Variants in AHCTF1 observed in about 807,000 individuals in gnomAD.
AHCTF1 encodes protein ELYS.
In AHCTF1, 24 loss-of-function variants were observed where a neutral mutation model predicts 248.4. The ratio of observed to expected loss-of-function variants is 0.10; its 90% confidence interval spans 0.07 to 0.14. The LOEUF is 0.14. AHCTF1 is among the 10% of genes least tolerant of loss of function. The pLI is 1.00. For missense variants in AHCTF1, 2,206 were observed against 2,636.2 expected (o/e 0.84, Z 3.57); for synonymous variants, 786 against 929.8 (o/e 0.85, Z 2.81).
chr1:246,846,967 G>C (rs138440333), intron 33 of AHCTF1, among the ~76,000 whole-genome samples: 2 of 152,212 alleles, frequency 1.3e-5, no homozygotes, highest in East Asian at 3.9e-4. Context: ...AGTTGCCCAG[G>C]CTGGTTGGAT....
intron 1 of AHCTF1, chr1:246,931,093 C>T: frequency 6.5e-7 from 1 of 1,546,818 alleles, no homozygotes; most frequent in Non-Finnish European, 8.7e-7. Context: ...ACGGCTGAGC[C>T]CCGAGTCCAA....
chr1:246,931,121 C>CTACT, intron 1 of AHCTF1: 1 of 1,549,370 alleles, frequency 6.5e-7, no homozygotes. Flanking sequence ...CCCGCCAGGA[C>CTACT]TACTCACTGT....
rs1024550542 is a variant in AHCTF1 at position 246,913,738 on chromosome 1, T to A, written c.376-326A>T. ...TAGACTATGTGTGAGTACTTCTCTTTAAAGATGAAATAACCTGAGGCTTAG... is the reference window on the plus strand; with the variant it reads ...TAGACTATGTGTGAGTACTTCTCTTAAAAGATGAAATAACCTGAGGCTTAG... On this transcript the variant is annotated intron_variant, in intron 3 of 35. Transcript: ENST00000648844. Among the ~76,000 whole-genome samples the A allele has an allele frequency of 5.9e-5, 9 of 152,166 alleles. 1 individual carries two copies. The highest frequency in any genetic ancestry group is 7.4e-5 in the Non-Finnish European group (5 of 68,014).
chr1:246,903,052 T>C (rs1665117239), intron 7 of AHCTF1, among the ~76,000 whole-genome samples: 1 of 152,256 alleles, frequency 6.6e-6, no homozygotes, highest in South Asian at 2.1e-4. Context: ...TTTTAGCTTA[T>C]TGATACCTTT....
intron 16 of AHCTF1, 60 bp from the exon 17 acceptor site, chr1:246,890,119 A>C: frequency 6.9e-6 from 8 of 1,166,868 alleles, no homozygotes; most frequent in Non-Finnish European, 2.5e-6. Flanking sequence ...TCAACAATAC[A>C]TATTAATATT....
chr1:246,907,585 G>C lies in AHCTF1; in HGVS notation c.730C>G (p.Leu244Val), dbSNP rs778443140. 51 of 1,613,694 alleles carry C rather than the reference G, an allele frequency of 3.2e-5. 1 individual carries two copies. The highest frequency in any genetic ancestry group is 1.6e-4 in the Middle Eastern group (1 of 6,068). ...ATGCTTTTCATGTTCCAAAGTGCTA[G>C]ATAGCCATCAGAAAAACCTACAGCA... ...QLAVGFSDGY[L>V]ALWNMKSMKR... The change falls in exon 5 of 36, where the codon CTA (leucine) becomes GTA (valine). Residue 244 changes from leucine (L) to valine (V), a missense_variant. Physicochemically the swap from Leu to Val is conservative, Grantham distance 32. This residue lies in a region of AHCTF1 where 650 missense variants were observed against 870.8 expected (regional missense o/e 0.75). Transcript: ENST00000648844.
chr1:246,892,886 T>C (rs1406902249), intron 14 of AHCTF1, among the ~76,000 whole-genome samples: 1 of 152,048 alleles, frequency 6.6e-6, no homozygotes, highest in Non-Finnish European at 1.5e-5. Flanking sequence ...CCTCAAGCAA[T>C]CCTCTCATCT....
intron 5 of AHCTF1, 125 bp downstream of exon 5, chr1:246,907,426 T>C (rs1323875820): frequency 3.7e-6 from 3 of 805,892 alleles, no homozygotes; most frequent in South Asian, 1.9e-5. Context: ...ATCTCAATCA[T>C]TCATTCAATC....
At chr1:246,851,576 T>C (rs1309945306) in intron 32 of AHCTF1, 134 bp from the exon 33 acceptor site, 7 of 714,304 alleles carry the variant, frequency 9.8e-6, no homozygotes, top group Non-Finnish European at 1.5e-5. Flanking sequence ...CATATACTTA[T>C]GGGTTTACTT....
intron 13 of AHCTF1, among the ~76,000 whole-genome samples, chr1:246,895,568 G>A (rs1572429762): frequency 6.6e-6 from 1 of 152,240 alleles, no homozygotes; most frequent in East Asian, 1.9e-4. Context: ...TTCTTGCCAG[G>A]GGTTAAGGAT....
rs145708659 is a variant in AHCTF1 at position 246,852,194 on chromosome 1, T to C, written c.4564-752A>G. ...GACAGATTGGAAATAACCTAGAAATTAGGATTCCCACTTACACCATACCCA... is the reference window on the plus strand; with the variant it reads ...GACAGATTGGAAATAACCTAGAAATCAGGATTCCCACTTACACCATACCCA... On this transcript the variant is annotated intron_variant, in intron 32 of 35. Coordinates refer to ENST00000648844, the MANE Select transcript of AHCTF1 (RefSeq NM_001323342.2). 3.3e-3 allele frequency among the ~76,000 whole-genome samples: 496 copies of C among 152,132 alleles called. 2 individuals carry two copies. The highest frequency in any genetic ancestry group is 0.011 in the African/African-American group (452 of 41,516).
chr1:246,851,512 T>G, intron 32 of AHCTF1, 70 bp from the exon 33 acceptor site: 1 of 1,375,028 alleles, frequency 7.3e-7, no homozygotes, highest in East Asian at 2.4e-5. Flanking sequence ...GCACACAGGT[T>G]TTTGATGACC....
At chr1:246,878,077 A>AAAAATTGCAAAAGATAGC (rs1206845236) in intron 21 of AHCTF1, among the ~76,000 whole-genome samples, 2 of 152,048 alleles carry the variant, frequency 1.3e-5, no homozygotes, top group Non-Finnish European at 2.9e-5. Context: ...AAACACCAGC[A>AAAAATTGCAAAAGATAGC]AAAATTGCAA....
At chr1:246,860,467 T>C (rs1207452360) in intron 29 of AHCTF1, among the ~76,000 whole-genome samples, 9 of 152,126 alleles carry the variant, frequency 5.9e-5, no homozygotes, top group African/African-American at 4.8e-5. Context: ...CATGAAACAA[T>C]GTAAGCCACA....
chr1:246,913,240 T>A lies in AHCTF1; in HGVS notation c.548A>T (p.Glu183Val). ...AGTAAAGAACTGATTACCTGATGCTTCAACTTCATTTTGATTGCATGACAA... is the reference window on the plus strand; with the variant it reads ...AGTAAAGAACTGATTACCTGATGCTACAACTTCATTTTGATTGCATGACAA... ...DDLSCNQNEV[E>V]ASDLEVLTGI... The change falls in exon 4 of 36, where the codon GAA becomes GTA. Residue 183 changes from glutamate to valine, a missense_variant. Coordinates refer to ENST00000648844, the MANE Select transcript of AHCTF1 (RefSeq NM_001323342.2). 3 of 1,600,200 alleles carry A rather than the reference T, an allele frequency of 1.9e-6. No homozygotes were observed. Among genetic ancestry groups the A allele is most frequent in the East Asian group, 2.2e-5 (1 of 44,552 alleles).
intron 1 of AHCTF1, among the ~76,000 whole-genome samples, chr1:246,926,327 A>G (rs1036593977): frequency 1.5e-4 from 23 of 152,178 alleles, no homozygotes; most frequent in African/African-American, 5.3e-4. Flanking sequence ...GCACTTAATA[A>G]TACATGTAAC....
intron 35 of AHCTF1, 125 bp downstream of exon 35, chr1:246,842,569 G>C (rs969097784): frequency 7.4e-6 from 5 of 676,394 alleles, no homozygotes; most frequent in Non-Finnish European, 1.0e-5. Context: ...GTGACAGACC[G>C]AGACTCTGTC....
At chr1:246,884,936 C>A (rs1663707007) in intron 21 of AHCTF1, among the ~76,000 whole-genome samples, 1 of 152,142 alleles carries the variant, frequency 6.6e-6, no homozygotes, top group East Asian at 1.9e-4. Flanking sequence ...AATTTGTCAA[C>A]TCTATCACTT....
chr1:246,912,294 G>A (rs746257524), intron 4 of AHCTF1, among the ~76,000 whole-genome samples: 35 of 151,664 alleles, frequency 2.3e-4, no homozygotes, highest in Non-Finnish European at 4.0e-4. Flanking sequence ...GGCCAATATG[G>A]TGAAACCCCA....
Sources: allele counts gnomAD v4.1 joint callset (sites outside exome capture counted in the v4.1 genomes callset), GRCh38; gene constraint gnomAD v4.1.1; regional missense constraint gnomAD v4.1.1; transcripts MANE v1.5; gene names NCBI Gene and HGNC (gene_info 2026-07-23, HGNC 2026-07-21).